The following TENT5D variants were observed in gnomAD, a reference collection of about 807,000 sequenced individuals.
TENT5D encodes the protein cancer/testis antigen 112.
For missense variants in TENT5D, 191 were observed against 287.0 expected (o/e 0.67, Z 2.42); for synonymous variants, 103 against 100.6 (o/e 1.02, Z -0.15).
chrX:80,359,271 AC>A, intron 3 of TENT5D, among the ~76,000 whole-genome samples: 1 of 111,875 alleles, frequency 8.9e-6, no homozygotes, highest in Non-Finnish European at 1.9e-5. Context: ...AGCCAGAAAT[AC>A]CATTTGACCC....
rs746272557 is a variant in TENT5D, at chrX:80,413,824, C to G, written c.-141-24786C>G. Among the ~76,000 whole-genome samples, 264 of 111,551 alleles carry G rather than the reference C, an allele frequency of 2.4e-3. 1 individual carries two copies. The highest frequency in any genetic ancestry group is 0.014 in the South Asian group (37 of 2,651). On this transcript the variant is annotated intron_variant, in intron 3 of 4. Transcript: ENST00000538312. ...AGCTTTCCTTTGGATTTGATCAAGT[C>G]AGAAAGAGTTGGTCAAACCCAGTGG...
intron 3 of TENT5D, among the ~76,000 whole-genome samples, chrX:80,362,029 G>C (rs201697348): frequency 9.0e-6 from 1 of 110,695 alleles, no homozygotes; most frequent in Non-Finnish European, 1.9e-5. Flanking sequence ...TCCCATCTTT[G>C]TAGCCATATG....
At chrX:80,356,115 C>A (rs975866783) in intron 3 of TENT5D, among the ~76,000 whole-genome samples, 7 of 111,847 alleles carry the variant, frequency 6.3e-5, no homozygotes, top group Admixed American at 4.8e-4. Flanking sequence ...TCCTTTTATT[C>A]AGAGATAGAA....
intron 2 of TENT5D, among the ~76,000 whole-genome samples, chrX:80,336,512 A>G (rs67230989): frequency 0.097 from 10,646 of 109,788 alleles, 531 homozygotes; most frequent in African/African-American, 0.18. Context: ...GATAAAACTT[A>G]GTAGATTTCA....
intron 2 of TENT5D, among the ~76,000 whole-genome samples, chrX:80,338,610 G>T (rs1230357945): frequency 8.9e-6 from 1 of 112,483 alleles, no homozygotes; most frequent in African/African-American, 3.2e-5. Flanking sequence ...TTCCAGTCAA[G>T]ATTCTAAGCC....
intron 3 of TENT5D, among the ~76,000 whole-genome samples, chrX:80,356,877 C>A (rs1421423916): frequency 9.0e-6 from 1 of 111,126 alleles, no homozygotes; most frequent in African/African-American, 3.3e-5. Flanking sequence ...CTTCATTTAA[C>A]ATTAGGTATA....
intron 1 of TENT5D, among the ~76,000 whole-genome samples, chrX:80,435,416 A>G (rs1932165399): frequency 8.9e-6 from 1 of 112,131 alleles, no homozygotes; most frequent in African/African-American, 3.2e-5. Context: ...CACTGGAAAC[A>G]TGTAAAACCG....
rs900014249 is a variant in TENT5D at position 80,411,521 on chromosome X, C to T, written c.-141-27089C>T. 2.7e-5 allele frequency among the ~76,000 whole-genome samples: 3 copies of T among 111,462 alleles called. No individual in the cohort carries two copies. In the Admixed American group the frequency reaches 2.9e-4, roughly 11 times the overall value. The stretch of plus-strand genomic sequence containing the variant: ...ATTATTTTTCTTTTAACCTTTCTTG[C>T]CAAAAATTCCTCTTTATGTTTATAA... On this transcript the variant is annotated intron_variant, in intron 3 of 4. Coordinates refer to the TENT5D transcript ENST00000538312.
chrX:80,368,344 G>T (rs1049451433), intron 3 of TENT5D, among the ~76,000 whole-genome samples: 3 of 111,351 alleles, frequency 2.7e-5, no homozygotes, highest in African/African-American at 9.8e-5. Context: ...CATTTAAGAT[G>T]GCTCAGATGT....
At chrX:80,391,910 TTACTC>T (rs1349577631) in intron 3 of TENT5D, among the ~76,000 whole-genome samples, 2 of 112,654 alleles carry the variant, frequency 1.8e-5, no homozygotes, top group African/African-American at 6.4e-5. Context: ...CTGTCTTTGT[TTACTC>T]TAAGTATGGG....
At position 80,348,254 on chromosome X, in the gene TENT5D, G is replaced by A. The variant is rs1930106770; in HGVS notation, c.-142+5690G>A. On this transcript the variant is annotated intron_variant, in intron 3 of 4. Coordinates refer to the TENT5D transcript ENST00000538312. Reference sequence around the variant, plus strand: ...TACCCTTGAATCTGTAAATTACTTTGGTCAGTATGGCCATTTTCACGATAT... The same window carrying A: ...TACCCTTGAATCTGTAAATTACTTTAGTCAGTATGGCCATTTTCACGATAT... Among the ~76,000 whole-genome samples, 5 of 111,687 alleles carry A rather than the reference G, an allele frequency of 4.5e-5. No individual in the cohort carries two copies. The Admixed American group carries it at 4.7e-4, about 11-fold the overall frequency.
intron 1 of TENT5D, among the ~76,000 whole-genome samples, chrX:80,433,967 T>G (rs1014775370): frequency 9.2e-6 from 1 of 108,804 alleles, no homozygotes; most frequent in African/African-American, 3.4e-5. Context: ...AAACCCCATC[T>G]CTACTAAAAA....
intron 1 of TENT5D, among the ~76,000 whole-genome samples, chrX:80,432,377 A>C (rs965178981): frequency 9.0e-6 from 1 of 111,090 alleles, no homozygotes; most frequent in African/African-American, 3.3e-5. Flanking sequence ...GGATTGGAAC[A>C]AAGTCAACAT....
chrX:80,346,224 A>G (rs1277207333), intron 3 of TENT5D, among the ~76,000 whole-genome samples: 1 of 112,051 alleles, frequency 8.9e-6, no homozygotes, highest in Non-Finnish European at 1.9e-5. Context: ...TTTATTACTG[A>G]GTAGTATCCC....
At chrX:80,389,351 C>G (rs1421548471) in intron 3 of TENT5D, among the ~76,000 whole-genome samples, 1 of 111,939 alleles carries the variant, frequency 8.9e-6, no homozygotes, top group Non-Finnish European at 1.9e-5. Flanking sequence ...ATTTGAGAAG[C>G]AAATTAAATA....
At chrX:80,357,663 C>T (rs1366572376) in intron 3 of TENT5D, among the ~76,000 whole-genome samples, 5 of 111,065 alleles carry the variant, frequency 4.5e-5, no homozygotes, top group African/African-American at 1.6e-4. Context: ...GATATTAGCC[C>T]TTTGTCAGAT....
chrX:80,403,407 A>C (rs986766663), intron 3 of TENT5D, among the ~76,000 whole-genome samples: 15 of 112,238 alleles, frequency 1.3e-4, no homozygotes, highest in African/African-American at 3.9e-4. Context: ...CAGTTTTTAC[A>C]AAATGATATC....
At chrX:80,400,576 C>T (rs778001203) in intron 3 of TENT5D, among the ~76,000 whole-genome samples, 10 of 112,140 alleles carry the variant, frequency 8.9e-5, no homozygotes, top group Non-Finnish European at 1.3e-4. Context: ...GAATATGATG[C>T]AAATACCCTA....
intron 3 of TENT5D, among the ~76,000 whole-genome samples, chrX:80,358,510 A>T (rs1275548428): frequency 3.6e-5 from 4 of 112,500 alleles, no homozygotes; most frequent in Non-Finnish European, 7.5e-5. Flanking sequence ...CTTCACAAAG[A>T]ATACACATAT....
Sources: gnomAD v4.1 joint callset for allele counts (sites outside exome capture counted in the v4.1 genomes callset) on GRCh38, gnomAD v4.1.1 for gene constraint, MANE v1.5 for transcripts, NCBI Gene and HGNC (gene_info 2026-07-23, HGNC 2026-07-21) for gene names.